Variants in CSMD2 observed in about 807,000 individuals in gnomAD.
CSMD2 encodes the protein CUB and Sushi multiple domains 2.
A neutral mutation model predicts 398.5 loss-of-function variants in CSMD2; 130 were observed. The observed-to-expected ratio is 0.33, with a 90% CI of 0.28 to 0.38. The LOEUF (loss-of-function observed/expected upper bound fraction) is 0.38. CSMD2 is among the 10% of genes least tolerant of loss of function. CSMD2 has a pLI of 1.00. For synonymous variants in CSMD2, 1,828 were observed against 1,908.5 expected (o/e 0.96, Z 1.10); for missense variants, 3,829 against 4,764.9 (o/e 0.80, Z 5.78).
chr1:33,889,083 T>A (rs1230630992), intron 5 of CSMD2, among the ~76,000 whole-genome samples: 1 of 152,112 alleles, frequency 6.6e-6, no homozygotes, highest in East Asian at 1.9e-4. Flanking sequence ...ATCAACTGAT[T>A]TCAACACACA....
chr1:33,551,738 T>C (rs1356724620), intron 55 of CSMD2, among the ~76,000 whole-genome samples: 5 of 152,342 alleles, frequency 3.3e-5, no homozygotes, highest in Non-Finnish European at 4.4e-5. Flanking sequence ...GGAGTCTTTT[T>C]CCCCTTTCCC....
intron 1 of CSMD2, among the ~76,000 whole-genome samples, chr1:34,135,924 G>A (rs1272169671): frequency 6.6e-6 from 1 of 152,098 alleles, no homozygotes; most frequent in Non-Finnish European, 1.5e-5. Context: ...GGGGAGAAGG[G>A]CTTTTTTCAC....
At chr1:33,563,423 A>C (rs1358979372) in intron 53 of CSMD2, among the ~76,000 whole-genome samples, 1 of 152,098 alleles carries the variant, frequency 6.6e-6, no homozygotes, top group Non-Finnish European at 1.5e-5. Flanking sequence ...ATGGATGTAC[A>C]CAGAGCAGAT....
chr1:34,147,010 C>T (rs558808479), intron 1 of CSMD2, among the ~76,000 whole-genome samples: 1 of 152,270 alleles, frequency 6.6e-6, no homozygotes, highest in South Asian at 2.1e-4. Flanking sequence ...GTAATCCCAC[C>T]ACTTTGGGAG....
At position 33,725,489 on chromosome 1, in the gene CSMD2, C is replaced by T. The variant is rs760913752; in HGVS notation, c.2555G>A (p.Arg852Gln). The stretch of plus-strand genomic sequence containing the variant: ...CCCGATCAAGGGCGCTGAGTAAGTC[C>T]GCCCATCGCGTACTTCCAGGGTGTC... ...NYDTLEVRDG[R>Q]TYSAPLIGVY... The change falls in exon 17 of 71, where the codon CGG becomes CAG. Residue 852 changes from arginine to glutamine, a missense_variant. Coordinates refer to ENST00000373381, the MANE Select transcript of CSMD2 (RefSeq NM_001281956.2). 5.0e-5 allele frequency: 80 copies of T among 1,614,184 alleles called. No homozygotes were observed. The highest frequency in any genetic ancestry group is 1.1e-4 in the East Asian group (5 of 44,886).
chr1:34,030,927 G>C (rs1169271934), intron 3 of CSMD2, among the ~76,000 whole-genome samples: 1 of 152,158 alleles, frequency 6.6e-6, no homozygotes, highest in Non-Finnish European at 1.5e-5. Flanking sequence ...CCAACCTATT[G>C]TGGAAGGAGC....
chr1:33,907,714 A>T (rs1333002466), intron 5 of CSMD2, among the ~76,000 whole-genome samples: 1 of 152,196 alleles, frequency 6.6e-6, no homozygotes, highest in Non-Finnish European at 1.5e-5. Context: ...ACCATATGTG[A>T]AATGGTGATT....
At chr1:34,019,622 G>T (rs1434013647) in intron 3 of CSMD2, among the ~76,000 whole-genome samples, 1 of 152,118 alleles carries the variant, frequency 6.6e-6, no homozygotes, top group Non-Finnish European at 1.5e-5. Flanking sequence ...TCCCTGCTTT[G>T]CCTCCTGTGA....
At chr1:33,911,189 T>C (rs1643425822) in intron 5 of CSMD2, among the ~76,000 whole-genome samples, 1 of 151,830 alleles carries the variant, frequency 6.6e-6, no homozygotes, top group Non-Finnish European at 1.5e-5. Flanking sequence ...CATAGAAGAG[T>C]CTCAATAAAT....
chr1:33,997,342 C>T (rs573044300), intron 3 of CSMD2, among the ~76,000 whole-genome samples: 2 of 152,298 alleles, frequency 1.3e-5, no homozygotes, highest in South Asian at 4.1e-4. Context: ...ATGTCTCCTG[C>T]GGGTCCCTGC....
intron 9 of CSMD2, among the ~76,000 whole-genome samples, chr1:33,817,892 T>A (rs1657655021): frequency 6.6e-6 from 1 of 152,190 alleles, no homozygotes; most frequent in Non-Finnish European, 1.5e-5. Flanking sequence ...GATGACCACG[T>A]GAAAAAGCCC....
intron 13 of CSMD2, among the ~76,000 whole-genome samples, chr1:33,769,423 G>A (rs986701926): frequency 4.6e-5 from 7 of 152,154 alleles, no homozygotes; most frequent in East Asian, 1.9e-4. Context: ...CAGGGGTCCC[G>A]GGAGATGTGA....
At chr1:33,523,208 G>C in intron 67 of CSMD2, 99 bp downstream of exon 67, 1 of 621,602 alleles carries the variant, frequency 1.6e-6, no homozygotes. Context: ...CTCCTCCCAA[G>C]TTGCCAGATT....
At chr1:33,590,716 G>C (rs1475536988) in intron 44 of CSMD2, among the ~76,000 whole-genome samples, 1 of 151,738 alleles carries the variant, frequency 6.6e-6, no homozygotes, top group Non-Finnish European at 1.5e-5. Context: ...GACATTCAAG[G>C]CAGACTCTTC....
chr1:33,997,928 G>A (rs997206117), intron 3 of CSMD2, among the ~76,000 whole-genome samples: 11 of 152,222 alleles, frequency 7.2e-5, no homozygotes, highest in African/African-American at 2.7e-4. Context: ...AGTCCAGCAA[G>A]ATAGGATGGG....
At position 33,541,204 on chromosome 1, in the gene CSMD2, A is replaced by C. The variant is rs377055432; in HGVS notation, c.9383T>G (p.Met3128Arg). 1.2e-5 allele frequency: 19 copies of C among 1,613,710 alleles called. No homozygotes were observed. The highest frequency in any genetic ancestry group is 1.4e-5 in the Non-Finnish European group (16 of 1,179,790). The change falls in exon 59 of 71, where the codon ATG (methionine) becomes AGG (arginine). Residue 3128 changes from methionine to arginine, a missense_variant. Physicochemically the swap from Met to Arg is moderately conservative, Grantham distance 91. Around this residue, in one of 5 missense-constraint regions of CSMD2, gnomAD observed 917 missense variants for 1,199.5 expected, o/e 0.76. Coordinates refer to ENST00000373381, the MANE Select transcript of CSMD2 (RefSeq NM_001281956.2). ...VTYQCVPGYMMESHRVSVLSC... is the reference protein window; with the variant it reads ...VTYQCVPGYMRESHRVSVLSC... ...CAGCACAGATACTCTATGTGACTCCATCATATAGCCAGGGACACACTGATA... is the reference window on the plus strand; with the variant it reads ...CAGCACAGATACTCTATGTGACTCCCTCATATAGCCAGGGACACACTGATA...
Position 33,725,467 on chromosome 1 carries a change from G to A in CSMD2, c.2577C>T (p.Ile859=), listed in dbSNP as rs544713250. 3 of 1,614,232 alleles carry A rather than the reference G, an allele frequency of 1.9e-6. No homozygotes were observed. The highest frequency in any genetic ancestry group is 2.5e-6 in the Non-Finnish European group (3 of 1,180,036). The change falls in exon 17 of 71, where the codon ATC becomes ATT. Residue 859 remains isoleucine (I), a synonymous_variant. Transcript: ENST00000373381. ...RDGRTYSAPL[I]GVYHGTQVPQ... ...GAACCTGGGTCCCGTGGTAAACCCC[G>A]ATCAAGGGCGCTGAGTAAGTCCGCC...
intron 13 of CSMD2, among the ~76,000 whole-genome samples, chr1:33,769,108 C>T (rs1426621421): frequency 1.3e-5 from 2 of 152,346 alleles, no homozygotes; most frequent in Middle Eastern, 3.4e-3. Context: ...GTGCAAACCA[C>T]CATCAGAGTT....
chr1:34,025,159 C>G (rs772153161), intron 3 of CSMD2, among the ~76,000 whole-genome samples: 3 of 152,216 alleles, frequency 2.0e-5, no homozygotes, highest in Non-Finnish European at 2.9e-5. Context: ...TCTGTCCATC[C>G]CTCACAGATG....
Sources: gnomAD v4.1 joint callset for allele counts (sites outside exome capture counted in the v4.1 genomes callset) on GRCh38, gnomAD v4.1.1 for gene constraint, gnomAD v4.1.1 regional missense constraint, MANE v1.5 for transcripts, NCBI Gene and HGNC (gene_info 2026-07-23, HGNC 2026-07-21) for gene names.